The following CACNA1E variants were observed in gnomAD, a reference collection of about 807,000 sequenced individuals.
CACNA1E encodes voltage-dependent R-type calcium channel subunit alpha-1E.
CACNA1E carries 40 observed loss-of-function variants against 259.2 expected under a neutral mutation model. That is an observed-to-expected ratio of 0.15 (90% CI 0.12 to 0.20). The LOEUF is 0.20. Among genes scored for constraint, CACNA1E ranks in the 10% least tolerant of loss-of-function variants. The pLI is 1.00. For missense variants in CACNA1E, 1,874 were observed against 3,040.1 expected (o/e 0.62, Z 9.02); for synonymous variants, 1,104 against 1,138.5 (o/e 0.97, Z 0.61).
intron 1 of CACNA1E, among the ~76,000 whole-genome samples, chr1:181,342,784 A>G (rs541161655): frequency 6.6e-6 from 1 of 152,220 alleles, no homozygotes; most frequent in African/African-American, 2.4e-5. Flanking sequence ...TAGAGAACAC[A>G]AAGTGGGCTT....
intron 1 of CACNA1E, among the ~76,000 whole-genome samples, chr1:181,354,650 G>A (rs549953437): frequency 2.0e-5 from 3 of 152,216 alleles, no homozygotes; most frequent in Non-Finnish European, 4.4e-5. Flanking sequence ...ACACTGAGCT[G>A]CAGGTCTTGC....
At chr1:181,719,461 T>C (rs1654229115) in intron 12 of CACNA1E, among the ~76,000 whole-genome samples, 1 of 152,192 alleles carries the variant, frequency 6.6e-6, no homozygotes, top group Non-Finnish European at 1.5e-5. Flanking sequence ...ACCACTCCTT[T>C]GTCAGAGCAG....
chr1:181,651,863 A>C (rs1658788353), intron 7 of CACNA1E: 1 of 155,606 alleles, frequency 6.4e-6, no homozygotes, highest in Non-Finnish European at 1.4e-5. Flanking sequence ...GGCTTGAATT[A>C]GTTTATACAA....
intron 3 of CACNA1E, among the ~76,000 whole-genome samples, chr1:181,551,030 G>T (rs1648084830): frequency 6.6e-6 from 1 of 152,092 alleles, no homozygotes; most frequent in Non-Finnish European, 1.5e-5. Context: ...TTTTGGAGGG[G>T]TGGGGAAGAA....
intron 6 of CACNA1E, among the ~76,000 whole-genome samples, chr1:181,613,442 AAAG>A (rs1572380121): frequency 6.6e-6 from 1 of 152,204 alleles, no homozygotes; most frequent in Non-Finnish European, 1.5e-5. Context: ...TAGCTAGAGA[AAAG>A]AAAATCATAA....
intron 7 of CACNA1E, among the ~76,000 whole-genome samples, chr1:181,652,437 TAAG>T (rs1368052806): frequency 7.2e-5 from 11 of 152,290 alleles, no homozygotes; most frequent in Admixed American, 2.0e-4. Flanking sequence ...AAATAAATTT[TAAG>T]AAGGGCACTA....
intron 6 of CACNA1E, among the ~76,000 whole-genome samples, chr1:181,609,719 T>C (rs1462263874): frequency 6.6e-6 from 1 of 152,238 alleles, no homozygotes; most frequent in Non-Finnish European, 1.5e-5. Context: ...TCGTGCATTA[T>C]CTTATTCTCA....
At chr1:181,378,639 G>A (rs1381080909) in intron 1 of CACNA1E, among the ~76,000 whole-genome samples, 1 of 152,116 alleles carries the variant, frequency 6.6e-6, no homozygotes, top group Non-Finnish European at 1.5e-5. Context: ...CCAAGGCTGG[G>A]GAAATAACTG....
intron 6 of CACNA1E, among the ~76,000 whole-genome samples, chr1:181,651,059 A>G (rs973249487): frequency 6.6e-6 from 1 of 152,236 alleles, no homozygotes; most frequent in African/African-American, 2.4e-5. Flanking sequence ...ACCTTGGAAA[A>G]GTATCTGACC....
chr1:181,757,187 G>A (rs1189961747), intron 30 of CACNA1E, 61 bp downstream of exon 30: 16 of 1,189,984 alleles, frequency 1.3e-5, no homozygotes, highest in Non-Finnish European at 2.0e-5. Context: ...TCTTGGGCCA[G>A]CAATGTAAGA....
rs187672349 is a variant in CACNA1E, at chr1:181,383,263, A to G, written c.-14-29870A>G. On this transcript the variant is annotated intron_variant, in intron 1 of 11. Coordinates refer to the CACNA1E transcript ENST00000524607. ...CTTTATTCCCCACAGCCCCACTTGC[A>G]TGTAGCTCATGCATATAGCACAGTC... Among the ~76,000 whole-genome samples the G allele has an allele frequency of 4.3e-4, 65 of 152,306 alleles. 1 individual carries two copies. The Middle Eastern group carries it at 0.014, about 32-fold the overall frequency.
chr1:181,723,312 G>A (rs1270703769), intron 16 of CACNA1E, among the ~76,000 whole-genome samples: 1 of 151,982 alleles, frequency 6.6e-6, no homozygotes, highest in Non-Finnish European at 1.5e-5. Flanking sequence ...CCCATACTGA[G>A]CTCCCTACAC....
intron 6 of CACNA1E, among the ~76,000 whole-genome samples, chr1:181,587,894 A>C (rs1652244982): frequency 6.6e-6 from 1 of 151,920 alleles, no homozygotes; most frequent in African/African-American, 2.4e-5. Context: ...AGAAAAAAAG[A>C]AAGAAAGAAA....
chr1:181,510,096 G>A (rs558586640), intron 1 of CACNA1E, among the ~76,000 whole-genome samples: 1 of 152,322 alleles, frequency 6.6e-6, no homozygotes, highest in African/African-American at 2.4e-5. Context: ...CAAGGGGTCT[G>A]CGATGGCATT....
intron 2 of CACNA1E, among the ~76,000 whole-genome samples, chr1:181,434,394 A>ATTT (rs34732298): frequency 2.2e-4 from 33 of 149,118 alleles, no homozygotes; most frequent in Admixed American, 1.9e-3. Context: ...CTACTGGCCA[A>ATTT]TTTTTTTTTT....
In CACNA1E at chr1:181,799,139, C is replaced by G. The variant is rs761073538; in HGVS notation, c.*305C>G. 3.1e-5 allele frequency: 8 copies of G among 258,230 alleles called. No individual in the cohort carries two copies. Among genetic ancestry groups the G allele is most frequent in the Non-Finnish European group, 5.1e-5 (7 of 136,582 alleles). 16.0% of individuals were successfully genotyped at this position (258,230 alleles called of 1,614,324 possible). A position where few individuals can be genotyped will look rare whatever the true frequency, so the allele number is the denominator to read the frequency against. ...CGAGGATGGCTTTGCTTCCCCTTGC[C>G]CCTTCCCACTTTTCTAAAAGCTGTG... On this transcript the variant is annotated 3_prime_UTR_variant, in exon 48 of 48. Coordinates refer to ENST00000367573, the MANE Select transcript of CACNA1E (RefSeq NM_001205293.3).
chr1:181,344,720 TG>T (rs939609851), intron 1 of CACNA1E, among the ~76,000 whole-genome samples: 100 of 152,230 alleles, frequency 6.6e-4, no homozygotes, highest in Admixed American at 2.0e-3. Flanking sequence ...GAGTCCTTAG[TG>T]GAAAAGGAAA....
chr1:181,765,660 T>C (rs1658954673), intron 34 of CACNA1E, among the ~76,000 whole-genome samples: 1 of 152,150 alleles, frequency 6.6e-6, no homozygotes, highest in Non-Finnish European at 1.5e-5. Context: ...ATGTGCACAA[T>C]CAAGACAGGG....
intron 1 of CACNA1E, among the ~76,000 whole-genome samples, chr1:181,407,180 C>T (rs1170696004): frequency 1.3e-5 from 2 of 152,088 alleles, no homozygotes; most frequent in Non-Finnish European, 2.9e-5. Flanking sequence ...TGAACAGTCA[C>T]CATAACAACA....
Sources: gnomAD v4.1 joint callset for allele counts (sites outside exome capture counted in the v4.1 genomes callset) on GRCh38, gnomAD v4.1.1 for gene constraint, MANE v1.5 for transcripts, NCBI Gene and HGNC (gene_info 2026-07-23, HGNC 2026-07-21) for gene names.